The following HPSE2 variants were observed in gnomAD, a reference collection of about 807,000 sequenced individuals.
HPSE2 encodes heparanase 2 (inactive), also known as inactive heparanase-2.
In HPSE2, 38 loss-of-function variants were observed where a neutral mutation model predicts 60.5. The observed-to-expected ratio is 0.63, with a 90% confidence interval of 0.48 to 0.82. The LOEUF (loss-of-function observed/expected upper bound fraction) is 0.82, where lower values mean the gene tolerates loss of function less well. HPSE2 is among the 40% of genes least tolerant of loss of function. The probability of loss-of-function intolerance (pLI) is 0.00; values close to 1 mark genes in which losing one functional copy is unlikely to be tolerated. For synonymous variants in HPSE2, 295 were observed against 293.2 expected (o/e 1.01, Z -0.06); for missense variants, 713 against 740.4 (o/e 0.96, Z 0.43).
chr10:99,008,634 C>A (rs1021419356), intron 3 of HPSE2, among the ~76,000 whole-genome samples: 1 of 152,102 alleles, frequency 6.6e-6, no homozygotes, highest in Non-Finnish European at 1.5e-5. Flanking sequence ...TGTTTTTAAA[C>A]AAAATATTCC....
chr10:99,161,874 T>G (rs1479918795), intron 2 of HPSE2, among the ~76,000 whole-genome samples: 1 of 152,196 alleles, frequency 6.6e-6, no homozygotes, highest in Non-Finnish European at 1.5e-5. Context: ...AATCCTGTCA[T>G]ATGCTACAAT....
At chr10:98,985,860 G>T (rs960894836) in intron 3 of HPSE2, among the ~76,000 whole-genome samples, 31 of 152,088 alleles carry the variant, frequency 2.0e-4, no homozygotes, top group African/African-American at 7.0e-4. Context: ...TCATAAAACA[G>T]ACTTTAAACC....
the HPSE2 span, among the ~76,000 whole-genome samples, chr10:99,299,146 C>T: frequency 6.6e-6 from 1 of 152,258 alleles, no homozygotes; most frequent in South Asian, 2.1e-4. Flanking sequence ...CTCCCCCCTC[C>T]CCTAGTTCTG....
At chr10:98,789,477 C>T (rs1950609267) in intron 3 of HPSE2, among the ~76,000 whole-genome samples, 1 of 152,184 alleles carries the variant, frequency 6.6e-6, no homozygotes, top group South Asian at 2.1e-4. Context: ...AGTCAAATTG[C>T]AATGCAGGCT....
At chr10:98,574,284 GATCTAC>G (rs1397243133) in intron 9 of HPSE2, among the ~76,000 whole-genome samples, 2 of 152,012 alleles carry the variant, frequency 1.3e-5, no homozygotes, top group Non-Finnish European at 2.9e-5. Flanking sequence ...AAAAAACGTA[GATCTAC>G]ATAGCACATA....
chr10:98,909,333 A>C (rs1185483646), intron 3 of HPSE2, among the ~76,000 whole-genome samples: 4 of 151,618 alleles, frequency 2.6e-5, no homozygotes, highest in Admixed American at 2.0e-4. Context: ...TATTCAAAAA[A>C]GTTTTTTTTT....
intron 6 of HPSE2, among the ~76,000 whole-genome samples, chr10:98,678,860 A>G (rs950739417): frequency 2.0e-5 from 3 of 152,146 alleles, no homozygotes; most frequent in Admixed American, 6.6e-5. Context: ...TCAGGTTAAA[A>G]TGGTGGTTTA....
chr10:99,235,894 C>G, upstream of HPSE2: 1 of 1,140,388 alleles, frequency 8.8e-7, no homozygotes, highest in Non-Finnish European at 1.3e-6. Flanking sequence ...GCCTTTTTCC[C>G]CCCTTTTTTT....
intron 9 of HPSE2, among the ~76,000 whole-genome samples, chr10:98,491,304 C>A (rs1330515060): frequency 1.3e-5 from 2 of 152,064 alleles, no homozygotes; most frequent in African/African-American, 2.4e-5. Context: ...AGCCCCTTTG[C>A]CACTAGAATG....
At chr10:98,705,275 C>T (rs1485450248) in intron 5 of HPSE2, among the ~76,000 whole-genome samples, 4 of 152,078 alleles carry the variant, frequency 2.6e-5, no homozygotes, top group African/African-American at 4.8e-5. Flanking sequence ...GGCGAAGCTG[C>T]GGAGAAATAG....
At chr10:98,793,556 T>A (rs992266309) in intron 3 of HPSE2, among the ~76,000 whole-genome samples, 1 of 152,184 alleles carries the variant, frequency 6.6e-6, no homozygotes, top group African/African-American at 2.4e-5. Flanking sequence ...ACATTCCAGA[T>A]AGGTAGGAAC....
At chr10:99,108,087 T>C (rs1385337708) in intron 3 of HPSE2, among the ~76,000 whole-genome samples, 1 of 152,162 alleles carries the variant, frequency 6.6e-6, no homozygotes, top group Non-Finnish European at 1.5e-5. Context: ...CTGAAGCAGA[T>C]AGTGACATTC....
At chr10:98,500,249 C>T (rs1365902371) in intron 9 of HPSE2, among the ~76,000 whole-genome samples, 1 of 152,140 alleles carries the variant, frequency 6.6e-6, no homozygotes, top group East Asian at 1.9e-4. Context: ...ATGGAACTTT[C>T]TCCAAGATAG....
At chr10:98,643,513 A>T (rs1946689996) in intron 6 of HPSE2, among the ~76,000 whole-genome samples, 1 of 152,246 alleles carries the variant, frequency 6.6e-6, no homozygotes, top group Non-Finnish European at 1.5e-5. Context: ...AAATAAAATA[A>T]TAACATGTCC....
intron 9 of HPSE2, among the ~76,000 whole-genome samples, chr10:98,527,571 TC>T (rs1943008111): frequency 6.6e-6 from 1 of 152,210 alleles, no homozygotes; most frequent in Non-Finnish European, 1.5e-5. Flanking sequence ...CAGAGACCTA[TC>T]TTTACCTATT....
At chr10:99,047,670 T>A in intron 3 of HPSE2, 1 of 780,106 alleles carries the variant, frequency 1.3e-6, no homozygotes, top group Non-Finnish European at 2.3e-6. Context: ...AAGAAGACGG[T>A]TCCTGCTGTG....
intron 3 of HPSE2, among the ~76,000 whole-genome samples, chr10:98,780,570 T>C (rs1950442295): frequency 1.3e-5 from 2 of 152,058 alleles, no homozygotes; most frequent in Non-Finnish European, 2.9e-5. Flanking sequence ...GCAGGGAAGA[T>C]GGCCGGGGGA....
the HPSE2 span, among the ~76,000 whole-genome samples, chr10:99,271,209 G>A: frequency 4.6e-5 from 7 of 152,116 alleles, no homozygotes; most frequent in African/African-American, 1.7e-4. Flanking sequence ...AATGTTTGCT[G>A]ATGACATGAC....
intron 3 of HPSE2, among the ~76,000 whole-genome samples, chr10:98,762,037 C>T (rs1014776659): frequency 6.9e-6 from 1 of 143,948 alleles, no homozygotes; most frequent in Non-Finnish European, 1.5e-5. Context: ...TCCTTTCCTT[C>T]CCTTTCTTTT....
Sources: allele counts gnomAD v4.1 joint callset (sites outside exome capture counted in the v4.1 genomes callset), GRCh38; gene constraint gnomAD v4.1.1; transcripts MANE v1.5; gene names NCBI Gene and HGNC (gene_info 2026-07-23, HGNC 2026-07-21).